Variants in FAM131C observed in about 807,000 individuals in gnomAD.
FAM131C encodes family with sequence similarity 131 member C.
A neutral mutation model predicts 29.8 loss-of-function variants in FAM131C; 14 were observed. That is an observed-to-expected ratio of 0.47 (90% confidence interval 0.31 to 0.73). FAM131C has a LOEUF of 0.73. Among genes scored for constraint, FAM131C ranks in the 30% least tolerant of loss-of-function variants. The probability of loss-of-function intolerance (pLI) is 0.05; values close to 1 mark genes in which losing one functional copy is unlikely to be tolerated. For missense variants in FAM131C, 252 were observed against 383.8 expected (o/e 0.66, Z 2.87); for synonymous variants, 86 against 157.8 (o/e 0.54, Z 3.41).
At chr1:16,058,743 G>A (rs758928776) in intron 6 of FAM131C, 26 bp from the exon 7 acceptor site, 1 of 1,520,666 alleles carries the variant, frequency 6.6e-7, no homozygotes, top group Non-Finnish European at 8.9e-7. Context: ...GGTGATGGGG[G>A]AATGGCGTCC....
At chr1:16,072,776 G>T (rs1195331445) in intron 1 of FAM131C, among the ~76,000 whole-genome samples, 1 of 152,110 alleles carries the variant, frequency 6.6e-6, no homozygotes, top group African/African-American at 2.4e-5. Flanking sequence ...GGGGGAGAGT[G>T]GAGGGTGACA....
chr1:16,062,685 G>C, intron 2 of FAM131C, 151 bp from the exon 3 acceptor site: 2 of 1,349,918 alleles, frequency 1.5e-6, no homozygotes, highest in East Asian at 5.1e-5. Context: ...TCATGCTCTG[G>C]TGTCCCCCGG....
intron 1 of FAM131C, among the ~76,000 whole-genome samples, chr1:16,065,517 C>T (rs977984239): frequency 1.3e-5 from 2 of 152,214 alleles, no homozygotes; most frequent in Non-Finnish European, 2.9e-5. Context: ...ATTCCTTTCT[C>T]CTGTTTTTGC....
At chr1:16,063,419 GC>G in intron 2 of FAM131C, 101 bp downstream of exon 2, 1 of 915,038 alleles carries the variant, frequency 1.1e-6, no homozygotes, top group Non-Finnish European at 1.8e-6. Flanking sequence ...AGCGGGTTTG[GC>G]AGGGAAGGAA....
chr1:16,071,237 C>T (rs1229308566), intron 1 of FAM131C, among the ~76,000 whole-genome samples: 2 of 146,884 alleles, frequency 1.4e-5, no homozygotes, highest in Non-Finnish European at 2.9e-5. Context: ...GTGCAGGCAC[C>T]AGGGCCGAGG....
chr1:16,073,349 G>T, intron 1 of FAM131C, 72 bp downstream of exon 1: 1 of 899,904 alleles, frequency 1.1e-6, no homozygotes, highest in Non-Finnish European at 1.4e-6. Context: ...CATCCCCCAG[G>T]TCTCCGAGCG....
At position 16,060,039 on chromosome 1, in the gene FAM131C, C is replaced by G. The variant is rs758022938; in HGVS notation, c.281G>C (p.Ser94Thr). Residue 94 changes from serine (S) to threonine (T), a missense_variant, in exon 5 of 7, where the codon AGC (serine) becomes ACC (threonine). Physicochemically the swap from Ser to Thr is moderately conservative, Grantham distance 58. Around this residue, in one of 6 missense-constraint regions of FAM131C, gnomAD observed 52 missense variants for 105.9 expected, o/e 0.49. Transcript: ENST00000375662. ...GGGCTTTGTGATGTGGTCCTTGATG[C>G]TCTGCACCACCCCTGGGGCATGGAG... The part of the protein sequence containing the change: ...ATSSLVGVVQ[S>T]IKDHITKPTA... 1 of 1,458,322 alleles carries G rather than the reference C, an allele frequency of 6.9e-7. No homozygotes were observed. The allele number at this position is 1,458,322 out of a possible 1,614,324, so 90.3% of individuals were successfully genotyped here.
chr1:16,062,089 C>G lies in FAM131C; in HGVS notation c.268+10G>C. 1 of 1,610,698 alleles carries G rather than the reference C, an allele frequency of 6.2e-7. No homozygotes were observed. Among genetic ancestry groups the G allele is most frequent in the South Asian group, 1.1e-5 (1 of 90,802 alleles). On this transcript the variant is annotated intron_variant, in intron 4 of 6. Coordinates refer to ENST00000375662, the MANE Select transcript of FAM131C (RefSeq NM_182623.3). Reference sequence around the variant, plus strand: ...TCTCCACCGGCAGGAGAGTTGCGGCCAGAACCTACCCACAAGGGACGAGGT... The same window carrying G: ...TCTCCACCGGCAGGAGAGTTGCGGCGAGAACCTACCCACAAGGGACGAGGT...
chr1:16,068,168 C>T lies in FAM131C; in HGVS notation c.23-4532G>A, dbSNP rs530036140. 4.6e-5 allele frequency among the ~76,000 whole-genome samples: 7 copies of T among 152,318 alleles called. No homozygotes were observed. The East Asian group carries it at 1.2e-3, about 25-fold the overall frequency. On this transcript the variant is annotated intron_variant, in intron 1 of 6. Transcript: ENST00000375662. ...TGTGTACTGCCCAGCTGTGATGTGCCGGGCTCTGCCCTTGGCTCTGAAGAG... is the reference window on the plus strand; with the variant it reads ...TGTGTACTGCCCAGCTGTGATGTGCTGGGCTCTGCCCTTGGCTCTGAAGAG...
At chr1:16,062,917 G>T (rs1459869183) in intron 2 of FAM131C, among the ~76,000 whole-genome samples, 1 of 152,200 alleles carries the variant, frequency 6.6e-6, no homozygotes, top group African/African-American at 2.4e-5. Flanking sequence ...AACGGAGGCT[G>T]AGAAGAGCTG....
intron 4 of FAM131C, among the ~76,000 whole-genome samples, chr1:16,060,962 G>A (rs1331373562): frequency 6.6e-6 from 1 of 152,102 alleles, no homozygotes; most frequent in Non-Finnish European, 1.5e-5. Context: ...AGGAGGGGTC[G>A]GGGGCTTTGG....
intron 1 of FAM131C, among the ~76,000 whole-genome samples, chr1:16,065,858 A>C (rs1347114023): frequency 6.6e-6 from 1 of 151,948 alleles, no homozygotes; most frequent in Admixed American, 6.6e-5. Context: ...GGCAGCTGGC[A>C]GGGGGAAGGT....
At chr1:16,063,734 T>C (rs2023638947) in intron 1 of FAM131C, 98 bp from the exon 2 acceptor site, 1 of 729,244 alleles carries the variant, frequency 1.4e-6, no homozygotes, top group East Asian at 3.0e-5. Context: ...TATGGCCTTG[T>C]TTTTATCCAA....
chr1:16,072,093 C>T (rs1271967888), intron 1 of FAM131C, among the ~76,000 whole-genome samples: 2 of 152,218 alleles, frequency 1.3e-5, no homozygotes, highest in East Asian at 1.9e-4. Flanking sequence ...GCAGGCCTCC[C>T]GTACCAGGTG....
Position 16,063,593 on chromosome 1 carries a change from A to G in FAM131C, c.66T>C (p.Gly22=), listed in dbSNP as rs2023636441. 6.2e-7 allele frequency: 1 copy of G among 1,613,440 alleles called. No individual in the cohort carries two copies. Among genetic ancestry groups the G allele is most frequent in the Non-Finnish European group, 8.5e-7 (1 of 1,179,738 alleles). The change falls in exon 2 of 7, where the codon GGT becomes GGC. Residue 22 remains glycine (G), a synonymous_variant. Coordinates refer to ENST00000375662, the MANE Select transcript of FAM131C (RefSeq NM_182623.3). ...GCAGATCTGGGTTCAAGGGGTCCGCACCCTGGGGCATGGGGCAGTTCTTGT... is the reference window on the plus strand; with the variant it reads ...GCAGATCTGGGTTCAAGGGGTCCGCGCCCTGGGGCATGGGGCAGTTCTTGT... The part of the protein sequence containing the change: ...SAHKNCPMPQ[G]ADPLNPDLPS...
At chr1:16,062,380 GCCCC>G (rs34673312) in intron 3 of FAM131C, 115 bp downstream of exon 3, 11,931 of 847,952 alleles carry the variant, frequency 0.014, 4 homozygotes, top group Non-Finnish European at 0.017. Flanking sequence ...GTTTCATCAG[GCCCC>G]CCCCCCCCCC....
At chr1:16,066,012 G>A (rs1379625558) in intron 1 of FAM131C, among the ~76,000 whole-genome samples, 2 of 151,996 alleles carry the variant, frequency 1.3e-5, no homozygotes, top group African/African-American at 4.8e-5. Context: ...CGATTCTCCT[G>A]CCTCAGCCTC....
chr1:16,064,527 G>A (rs1011882956), intron 1 of FAM131C, among the ~76,000 whole-genome samples: 6 of 152,110 alleles, frequency 3.9e-5, no homozygotes, highest in African/African-American at 1.4e-4. Context: ...TGTCCACTTT[G>A]AAGCATTCAG....
At chr1:16,062,387 C>T (rs1014116872) in intron 3 of FAM131C, 112 bp downstream of exon 3, 7 of 1,208,630 alleles carry the variant, frequency 5.8e-6, no homozygotes, top group East Asian at 2.6e-5. Context: ...CAGGCCCCCC[C>T]CCCCCCCGCC....
Sources: gnomAD v4.1 joint callset for allele counts (sites outside exome capture counted in the v4.1 genomes callset) on GRCh38, gnomAD v4.1.1 for gene constraint, gnomAD v4.1.1 regional missense constraint, MANE v1.5 for transcripts, NCBI Gene and HGNC (gene_info 2026-07-23, HGNC 2026-07-21) for gene names.